FRMPD4: variants seen among roughly 807,000 people sequenced by gnomAD.
FRMPD4 encodes the protein FERM and PDZ domain containing 4.
In FRMPD4, 22 loss-of-function variants were observed where a neutral mutation model predicts 94.1. The ratio of observed to expected loss-of-function variants is 0.23; its 90% confidence interval spans 0.17 to 0.33. FRMPD4 has a LOEUF of 0.33. Ranked by LOEUF, FRMPD4 falls within the 10% of genes least tolerant of loss-of-function variation. The probability of loss-of-function intolerance (pLI) is 1.00; values close to 1 mark genes in which losing one functional copy is unlikely to be tolerated. For synonymous variants in FRMPD4, 631 were observed against 548.6 expected (o/e 1.15, Z -2.10); for missense variants, 1,111 against 1,339.9 (o/e 0.83, Z 2.67).
At chrX:12,293,083 C>T (rs2054714045) in intron 1 of FRMPD4, among the ~76,000 whole-genome samples, 1 of 110,310 alleles carries the variant, frequency 9.1e-6, no homozygotes, top group Non-Finnish European at 1.9e-5. Context: ...ACAAAAATTT[C>T]AACTATATTT....
intron 3 of FRMPD4, among the ~76,000 whole-genome samples, chrX:12,114,822 G>A (rs1330925859): frequency 8.9e-6 from 1 of 112,408 alleles, no homozygotes; most frequent in African/African-American, 3.2e-5. Flanking sequence ...CTTTTTAAAT[G>A]TAATCTTAAT....
chrX:11,824,595 G>A (rs1221475481), intron 1 of FRMPD4, among the ~76,000 whole-genome samples: 1 of 111,807 alleles, frequency 8.9e-6, no homozygotes, highest in African/African-American at 3.3e-5. Flanking sequence ...GTCATCCTTG[G>A]TTGACAATCA....
intron 3 of FRMPD4, among the ~76,000 whole-genome samples, chrX:12,076,111 G>C (rs1211395038): frequency 2.7e-5 from 3 of 111,616 alleles, no homozygotes; most frequent in Non-Finnish European, 5.6e-5. Context: ...ACTTGGGGTA[G>C]AGAACGAAGA....
At chrX:11,918,984 T>C (rs1014870480) in intron 3 of FRMPD4, among the ~76,000 whole-genome samples, 2 of 112,679 alleles carry the variant, frequency 1.8e-5, no homozygotes, top group Non-Finnish European at 3.8e-5. Flanking sequence ...CTGTGAATTT[T>C]CTCCCAGTGA....
intron 1 of FRMPD4, among the ~76,000 whole-genome samples, chrX:12,262,088 G>A (rs903335535): frequency 2.7e-5 from 3 of 110,767 alleles, no homozygotes; most frequent in Middle Eastern, 4.7e-3. Context: ...GCACACTCTA[G>A]CCCACTGACC....
At chrX:12,406,025 C>T (rs375334678) in intron 1 of FRMPD4, among the ~76,000 whole-genome samples, 22 of 111,242 alleles carry the variant, frequency 2.0e-4, no homozygotes, top group African/African-American at 6.8e-4. Flanking sequence ...TCAACCAGGG[C>T]GCTCTTGCCC....
chrX:12,668,597 CTT>C (rs61675840), intron 4 of FRMPD4, among the ~76,000 whole-genome samples: 8 of 71,591 alleles, frequency 1.1e-4, no homozygotes, highest in East Asian at 5.0e-4. Context: ...ATGGAAACTA[CTT>C]TTTTTTTTTT....
At chrX:12,537,538 G>A (rs1300190592) in intron 2 of FRMPD4, among the ~76,000 whole-genome samples, 1 of 97,886 alleles carries the variant, frequency 1.0e-5, no homozygotes, top group African/African-American at 3.8e-5. Context: ...CTGCAGCCTT[G>A]ACCTCCTGGG....
At chrX:12,342,336 C>T in intron 1 of FRMPD4, among the ~76,000 whole-genome samples, 1 of 111,890 alleles carries the variant, frequency 8.9e-6, no homozygotes, top group Admixed American at 9.5e-5. Context: ...ACATAGTGTA[C>T]ATAGTTGGGC....
chrX:12,687,806 C>T lies in FRMPD4; in HGVS notation c.681+1602C>T, dbSNP rs146900031. ...TGCATCAAGTACTGCCAACCAGGGA[C>T]GTTCACCCAAGCCTTGGTGTCCAGA... On this transcript the variant is annotated intron_variant, in intron 7 of 16. Coordinates refer to ENST00000675598, the MANE Select transcript of FRMPD4 (RefSeq NM_001368397.1). Among the ~76,000 whole-genome samples, 106 of 111,805 alleles carry T rather than the reference C, an allele frequency of 9.5e-4. 1 individual carries two copies. In the East Asian group the frequency reaches 0.028, roughly 29 times the overall value.
chrX:12,584,557 GGA>G (rs1491400823), intron 2 of FRMPD4, among the ~76,000 whole-genome samples: 1 of 110,865 alleles, frequency 9.0e-6, no homozygotes, highest in Non-Finnish European at 1.9e-5. Flanking sequence ...TTACAAAGGA[GGA>G]AAAAAAAAGA....
intron 1 of FRMPD4, among the ~76,000 whole-genome samples, chrX:12,469,442 G>A: frequency 9.0e-6 from 1 of 111,232 alleles, no homozygotes; most frequent in Non-Finnish European, 1.9e-5. Context: ...AGTAGAGATA[G>A]GGTTTCACCG....
chrX:12,443,028 G>T (rs1487398877), intron 1 of FRMPD4, among the ~76,000 whole-genome samples: 2 of 111,581 alleles, frequency 1.8e-5, no homozygotes, highest in Non-Finnish European at 3.8e-5. Context: ...ATCCAGAATA[G>T]GCAAATCCAC....
intron 1 of FRMPD4, among the ~76,000 whole-genome samples, chrX:12,164,412 A>G (rs2056078964): frequency 1.8e-5 from 2 of 112,360 alleles, no homozygotes; most frequent in Non-Finnish European, 1.9e-5. Flanking sequence ...ATTCCATGGC[A>G]TATATGTGTC....
At chrX:12,044,778 A>G (rs1052386977) in intron 3 of FRMPD4, among the ~76,000 whole-genome samples, 1 of 112,367 alleles carries the variant, frequency 8.9e-6, no homozygotes, top group Admixed American at 9.4e-5. Flanking sequence ...GATCTCATGT[A>G]TCATAGGCTC....
chrX:12,003,118 A>AAGC (rs1395091363), intron 3 of FRMPD4, among the ~76,000 whole-genome samples: 5 of 112,026 alleles, frequency 4.5e-5, no homozygotes, highest in Non-Finnish European at 9.4e-5. Context: ...AATGACTCAG[A>AAGC]AGCAGCAGCA....
In FRMPD4 at chrX:12,720,906, T is replaced by C; in HGVS notation, c.4337T>C (p.Leu1446Pro). The C allele has an allele frequency of 1.2e-6, 1 of 827,972 alleles. No homozygotes were observed. Among genetic ancestry groups the C allele is most frequent in the Non-Finnish European group, 1.5e-6 (1 of 685,290 alleles). 68.2% of individuals were successfully genotyped at this position (827,972 alleles called of 1,213,427 possible). A position where few individuals can be genotyped will look rare whatever the true frequency, so the allele number is the denominator to read the frequency against. ...QEASSERRAE[L>P]PLGRKLTKSF... ...GCCAGTTCTGAAAGGCGAGCAGAAC[T>C]CCCCCTGGGGAGGAAGCTCACCAAA... The change falls in exon 17 of 17, where the codon CTC becomes CCC. Residue 1446 changes from leucine to proline, a missense_variant. Leu to Pro is a moderately conservative substitution (Grantham distance 98). Coordinates refer to ENST00000675598, the MANE Select transcript of FRMPD4 (RefSeq NM_001368397.1).
chrX:12,094,580 T>C (rs1013488633), intron 3 of FRMPD4, among the ~76,000 whole-genome samples: 3 of 112,139 alleles, frequency 2.7e-5, no homozygotes, highest in Non-Finnish European at 5.6e-5. Flanking sequence ...TACACCAACT[T>C]CACAGCAGGC....
intron 2 of FRMPD4, among the ~76,000 whole-genome samples, chrX:12,584,116 C>T (rs185371515): frequency 8.0e-5 from 9 of 112,282 alleles, no homozygotes; most frequent in South Asian, 7.5e-4. Context: ...GATTAGCGTT[C>T]CTCAAAGCCC....
Sources: allele counts gnomAD v4.1 joint callset (sites outside exome capture counted in the v4.1 genomes callset), GRCh38; gene constraint gnomAD v4.1.1; transcripts MANE v1.5; gene names NCBI Gene and HGNC (gene_info 2026-07-23, HGNC 2026-07-21).